Variants in NRP2 observed in about 807,000 individuals in gnomAD.
NRP2 encodes the protein neuropilin 2.
A neutral mutation model predicts 110.4 loss-of-function variants in NRP2; 52 were observed. The ratio of observed to expected loss-of-function variants is 0.47; its 90% CI spans 0.38 to 0.59. The LOEUF (loss-of-function observed/expected upper bound fraction) is 0.59, where lower values mean the gene tolerates loss of function less well. NRP2 is among the 20% of genes least tolerant of loss of function. NRP2 has a pLI of 0.00. For missense variants in NRP2, 1,049 were observed against 1,203.0 expected, an observed-to-expected ratio of 0.87 and a Z score of 1.89; for synonymous variants, 508 against 468.9, an observed-to-expected ratio of 1.08 and a Z score of -1.08.
chr2:205,722,947 G>A (rs3771036), intron 4 of NRP2, among the ~76,000 whole-genome samples: 16,240 of 152,174 alleles, frequency 0.11, 1,013 homozygotes, highest in African/African-American at 0.17. Context: ...TACTTGGAAA[G>A]GATGAGAAAA....
chr2:205,692,166 A>G (rs1447397893), intron 1 of NRP2, among the ~76,000 whole-genome samples: 5 of 152,148 alleles, frequency 3.3e-5, no homozygotes, highest in Admixed American at 1.3e-4. Context: ...TATCATTTCA[A>G]AAGTTCAGAA....
chr2:205,723,056 G>A (rs1016412358), intron 4 of NRP2, among the ~76,000 whole-genome samples: 9 of 152,276 alleles, frequency 5.9e-5, no homozygotes, highest in South Asian at 2.1e-4. Flanking sequence ...CAGACTGGCC[G>A]GGCTTAACTC....
At chr2:205,728,840 C>T (rs2057180908) in intron 7 of NRP2, among the ~76,000 whole-genome samples, 1 of 152,202 alleles carries the variant, frequency 6.6e-6, no homozygotes. Flanking sequence ...GTGATGGGAA[C>T]ACAGGGCACG....
At chr2:205,722,169 T>TCACA (rs1559326246) in intron 3 of NRP2, 2 of 332,378 alleles carry the variant, frequency 6.0e-6, no homozygotes, top group South Asian at 2.5e-5. Context: ...TCTCTCTCTC[T>TCACA]CATACACACA....
intron 1 of NRP2, among the ~76,000 whole-genome samples, chr2:205,693,502 G>T (rs1229154879): frequency 1.3e-5 from 2 of 151,790 alleles, no homozygotes; most frequent in Non-Finnish European, 2.9e-5. Context: ...TACATGGGAG[G>T]TCTAGGTAGA....
chr2:205,796,457 C>T lies in NRP2; in HGVS notation c.*1399C>T, dbSNP rs1036517813. 1.4e-4 allele frequency: 22 copies of T among 152,502 alleles called. No individual in the cohort carries two copies. The highest frequency in any genetic ancestry group is 1.9e-4 in the East Asian group (1 of 5,194). 9.4% of individuals were successfully genotyped at this position (152,502 alleles called of 1,614,324 possible). ...ACACATACACACATGCACGCACGCA[C>T]GCATGCACACCAATTTATGTTTTTA... On this transcript the variant is annotated 3_prime_UTR_variant, in exon 17 of 17. Transcript: ENST00000357785.
chr2:205,779,729 T>A (rs1295916323), intron 15 of NRP2: 1 of 152,210 alleles, frequency 6.6e-6, no homozygotes, highest in Non-Finnish European at 1.5e-5. Flanking sequence ...TGAGGTTTTT[T>A]TTCCCTTTGC....
intron 7 of NRP2, among the ~76,000 whole-genome samples, chr2:205,738,164 A>C (rs976065320): frequency 6.6e-6 from 1 of 152,218 alleles, no homozygotes; most frequent in East Asian, 1.9e-4. Context: ...GATTAGCGGC[A>C]GTGTTAAAGT....
At chr2:205,755,610 GAA>G (rs58417592) in intron 12 of NRP2, among the ~76,000 whole-genome samples, 2 of 147,408 alleles carry the variant, frequency 1.4e-5, no homozygotes, top group Admixed American at 1.3e-4. Context: ...TCTCCATAGG[GAA>G]AAAAAAAAAA....
At chr2:205,718,054 A>C (rs1242430155) in intron 3 of NRP2, among the ~76,000 whole-genome samples, 1 of 152,178 alleles carries the variant, frequency 6.6e-6, no homozygotes, top group Non-Finnish European at 1.5e-5. Flanking sequence ...GAATCTATTC[A>C]ATAGCAAGGT....
chr2:205,727,611 A>C (rs1435979344), intron 6 of NRP2, among the ~76,000 whole-genome samples: 1 of 152,218 alleles, frequency 6.6e-6, no homozygotes, highest in African/African-American at 2.4e-5. Context: ...ATAGCTCTAG[A>C]TGTTCAATGA....
At chr2:205,736,580 CT>C (rs2057347365) in intron 7 of NRP2, among the ~76,000 whole-genome samples, 1 of 152,164 alleles carries the variant, frequency 6.6e-6, no homozygotes, top group Non-Finnish European at 1.5e-5. Context: ...CCACTTGTTA[CT>C]TGTGACCTGG....
At chr2:205,689,982 C>T (rs1188425575) in intron 1 of NRP2, among the ~76,000 whole-genome samples, 1 of 152,142 alleles carries the variant, frequency 6.6e-6, no homozygotes, top group Non-Finnish European at 1.5e-5. Flanking sequence ...AAAGGAGGGG[C>T]TGGGAATAAC....
In NRP2 at chr2:205,743,554, T is replaced by C. The variant is rs768221196; in HGVS notation, c.1641+2T>C. The C allele has an allele frequency of 1.9e-6, 3 of 1,613,982 alleles. No homozygotes were observed. Among genetic ancestry groups the C allele is most frequent in the East Asian group, 2.2e-5 (1 of 44,878 alleles). On this transcript the variant is annotated splice_donor_variant, in intron 9 of 16. Transcript: ENST00000357785. LOFTEE classifies it high-confidence loss of function. ...GACCCCAGGACCCAGCAGCCAAAGGTAGGCTGTTCTTGGAGGCCTCTGTAA... is the reference window on the plus strand; with the variant it reads ...GACCCCAGGACCCAGCAGCCAAAGGCAGGCTGTTCTTGGAGGCCTCTGTAA...
At chr2:205,785,592 C>T (rs759320121) in intron 15 of NRP2, among the ~76,000 whole-genome samples, 1 of 152,190 alleles carries the variant, frequency 6.6e-6, no homozygotes, top group African/African-American at 2.4e-5. Flanking sequence ...CTAGAATTTT[C>T]TTTCATCAGC....
At chr2:205,755,168 C>G (rs1197444291) in intron 12 of NRP2, among the ~76,000 whole-genome samples, 1 of 152,196 alleles carries the variant, frequency 6.6e-6, no homozygotes, top group African/African-American at 2.4e-5. Context: ...ACCTTTGCTA[C>G]TGGTTGGGAA....
rs1412577028 is a variant in NRP2, at chr2:205,686,395, T to C, written c.73+3032T>C. On this transcript the variant is annotated intron_variant, in intron 1 of 16. Coordinates refer to ENST00000357785, the MANE Select transcript of NRP2 (RefSeq NM_003872.3). This position sits in a 1 kb window ranked among gnomAD's most constrained non-coding sequence, Gnocchi z 4.7. ...CTCCCCAGCCGCCTCGCTCTTTGCT[T>C]TTCCACGTGAGAAAAAGAAATGTTC... Among the ~76,000 whole-genome samples, 19 of 152,298 alleles carry C rather than the reference T, an allele frequency of 1.2e-4. No homozygotes were observed. The highest frequency in any genetic ancestry group is 1.2e-3 in the Admixed American group (19 of 15,312).
intron 3 of NRP2, among the ~76,000 whole-genome samples, chr2:205,718,262 G>A (rs568296986): frequency 4.6e-5 from 7 of 152,282 alleles, no homozygotes; most frequent in African/African-American, 1.4e-4. Context: ...AAAGCCACAG[G>A]AAAAGTCAAT....
intron 1 of NRP2, among the ~76,000 whole-genome samples, chr2:205,697,312 CTGTGTGTGTG>C (rs3072627): frequency 7.3e-6 from 1 of 137,860 alleles, no homozygotes; most frequent in African/African-American, 2.9e-5. Flanking sequence ...ATACTTTCAT[CTGTGTGTGTG>C]TGTGTGTGTG....
Sources: gnomAD v4.1 joint callset for allele counts (sites outside exome capture counted in the v4.1 genomes callset) on GRCh38, gnomAD v4.1.1 for gene constraint, Gnocchi (gnomAD v3.1) non-coding constraint, MANE v1.5 for transcripts, NCBI Gene and HGNC (gene_info 2026-07-23, HGNC 2026-07-21) for gene names.